HIKESHI: variants seen among roughly 807,000 people sequenced by gnomAD.
The protein encoded by HIKESHI is protein Hikeshi.
Under a neutral mutation model 25.7 loss-of-function variants are expected in HIKESHI, and 13 were observed. That is an observed-to-expected ratio of 0.51 (90% CI 0.33 to 0.80). The LOEUF is 0.80. HIKESHI is among the 30% of genes least tolerant of loss of function. The pLI, the probability that HIKESHI is intolerant of heterozygous loss-of-function variation, is 0.02. For synonymous variants in HIKESHI, 76 were observed against 78.7 expected (o/e 0.97, Z 0.18); for missense variants, 174 against 229.5 (o/e 0.76, Z 1.56).
Position 86,334,173 on chromosome 11 carries a change from G to GA in HIKESHI, c.269-3200dup, listed in dbSNP as rs1302668579. On this transcript the variant is annotated intron_variant, in intron 2 of 4. Coordinates refer to ENST00000278483, the MANE Select transcript of HIKESHI (RefSeq NM_016401.4). Reference sequence around the variant, plus strand: ...TGGATTTGCTGTACTTAAATACTTAGAAAAAATCTAATAAAGTTGTTTTCC... The same window carrying GA: ...TGGATTTGCTGTACTTAAATACTTAGAAAAAAATCTAATAAAGTTGTTTTCC... Among the ~76,000 whole-genome samples, 7 of 151,892 alleles carry GA rather than the reference G, an allele frequency of 4.6e-5. No homozygotes were observed. In the South Asian group the frequency reaches 6.2e-4, roughly 14 times the overall value.
At chr11:86,343,270 T>G (rs1362641112) in intron 3 of HIKESHI, among the ~76,000 whole-genome samples, 1 of 151,876 alleles carries the variant, frequency 6.6e-6, no homozygotes, top group Admixed American at 6.6e-5. Context: ...TCAGTTACAC[T>G]TAAAAATTAT....
chr11:86,331,977 CTTTTCTT>C (rs1947437655), intron 2 of HIKESHI, among the ~76,000 whole-genome samples: 1 of 137,472 alleles, frequency 7.3e-6, no homozygotes, highest in Non-Finnish European at 1.6e-5. Flanking sequence ...TAACTGTTTT[CTTTTCTT>C]TTTTTTTTTT....
At chr11:86,326,869 T>C (rs188247364) in intron 2 of HIKESHI, among the ~76,000 whole-genome samples, 24 of 152,318 alleles carry the variant, frequency 1.6e-4, no homozygotes, top group Admixed American at 3.9e-4. Context: ...GTTGTATGGA[T>C]GATCATGCTA....
At chr11:86,306,852 T>A (rs375167987) in intron 2 of HIKESHI, among the ~76,000 whole-genome samples, 278 of 151,172 alleles carry the variant, frequency 1.8e-3, no homozygotes, top group Non-Finnish European at 3.0e-3. Context: ...AAAAAAAAAT[T>A]AGCCGGGCGT....
chr11:86,313,397 A>T (rs1381686204), intron 2 of HIKESHI, among the ~76,000 whole-genome samples: 1 of 151,906 alleles, frequency 6.6e-6, no homozygotes, highest in African/African-American at 2.4e-5. Context: ...CACCTTGCTA[A>T]TTTTTTGTAT....
At chr11:86,343,393 G>A (rs1045593833) in intron 3 of HIKESHI, 1 of 151,876 alleles carries the variant, frequency 6.6e-6, no homozygotes, top group Non-Finnish European at 1.5e-5. Context: ...CTAGCACTTT[G>A]GGAGGCTGAG....
chr11:86,303,297 C>A, intron 1 of HIKESHI: 1 of 537,090 alleles, frequency 1.9e-6, no homozygotes, highest in Non-Finnish European at 2.4e-6. Flanking sequence ...AGTCCCTTTG[C>A]TGAATTGTCT....
intron 2 of HIKESHI, among the ~76,000 whole-genome samples, chr11:86,317,426 A>T (rs533733720): frequency 1.3e-5 from 2 of 152,326 alleles, no homozygotes; most frequent in Admixed American, 1.3e-4. Context: ...GTAGAAATTA[A>T]TGATGGAAAA....
chr11:86,321,117 T>C (rs1216591454), intron 2 of HIKESHI, among the ~76,000 whole-genome samples: 1 of 152,108 alleles, frequency 6.6e-6, no homozygotes, highest in African/African-American at 2.4e-5. Flanking sequence ...GTATTTTTAG[T>C]AGAGACGAGG....
intron 2 of HIKESHI, among the ~76,000 whole-genome samples, chr11:86,314,538 C>A (rs1444565727): frequency 6.6e-6 from 1 of 152,014 alleles, no homozygotes; most frequent in Non-Finnish European, 1.5e-5. Context: ...TCGCTTGAAC[C>A]CAGGAGGTGG....
At chr11:86,334,983 T>C (rs997361511) in intron 2 of HIKESHI, among the ~76,000 whole-genome samples, 1 of 152,166 alleles carries the variant, frequency 6.6e-6, no homozygotes, top group Non-Finnish European at 1.5e-5. Context: ...ACCAAAAGCT[T>C]GTAGCAATCA....
intron 2 of HIKESHI, among the ~76,000 whole-genome samples, chr11:86,309,881 A>G (rs1166184514): frequency 6.6e-6 from 1 of 152,160 alleles, no homozygotes; most frequent in African/African-American, 2.4e-5. Flanking sequence ...AGATGGTTGT[A>G]GATGTGTGGT....
intron 3 of HIKESHI, chr11:86,344,029 A>G (rs915615218): frequency 2.0e-5 from 3 of 152,260 alleles, no homozygotes; most frequent in African/African-American, 4.8e-5. Flanking sequence ...AACAGAGGAA[A>G]TGGAATAGTG....
chr11:86,332,206 T>C (rs918347876), intron 2 of HIKESHI, among the ~76,000 whole-genome samples: 2 of 152,076 alleles, frequency 1.3e-5, no homozygotes, highest in Non-Finnish European at 2.9e-5. Flanking sequence ...CCTTGTGATC[T>C]GCCCGCCTCG....
chr11:86,338,672 T>C (rs7117303), intron 3 of HIKESHI, among the ~76,000 whole-genome samples: 1 of 152,348 alleles, frequency 6.6e-6, no homozygotes, highest in East Asian at 1.9e-4. Context: ...GTCATGAATG[T>C]AAAGGTAGAT....
chr11:86,326,775 G>A (rs1947292540), intron 2 of HIKESHI: 1 of 294,726 alleles, frequency 3.4e-6, no homozygotes, highest in East Asian at 9.0e-5. Context: ...TCAAGTGACA[G>A]TGAGGAGGAG....
intron 4 of HIKESHI, chr11:86,345,112 A>G (rs1947838265): frequency 1.9e-6 from 2 of 1,057,928 alleles, no homozygotes; most frequent in African/African-American, 3.3e-5. Flanking sequence ...TTTCACTTTG[A>G]GTATCCTAGA....
chr11:86,326,252 C>T (rs1052662183), intron 2 of HIKESHI, among the ~76,000 whole-genome samples: 4 of 151,898 alleles, frequency 2.6e-5, no homozygotes, highest in Non-Finnish European at 4.4e-5. Context: ...GAGCCAAGAT[C>T]GTGCCACCAC....
In HIKESHI at chr11:86,345,695, G is replaced by A; in HGVS notation, c.*57G>A. 9.0e-7 allele frequency: 1 copy of A among 1,108,780 alleles called. No individual in the cohort carries two copies. The highest frequency in any genetic ancestry group is 1.3e-6 in the Non-Finnish European group (1 of 757,196). 68.7% of individuals were successfully genotyped at this position (1,108,780 alleles called of 1,614,324 possible). On this transcript the variant is annotated 3_prime_UTR_variant, in exon 5 of 5. Coordinates refer to ENST00000278483, the MANE Select transcript of HIKESHI (RefSeq NM_016401.4). Reference sequence around the variant, plus strand: ...AATTTGTCATGTTTTGAAGATAACTGACTCCATCTAAAAGTATGAGGTCAA... The same window carrying A: ...AATTTGTCATGTTTTGAAGATAACTAACTCCATCTAAAAGTATGAGGTCAA...
Sources: allele counts gnomAD v4.1 joint callset (sites outside exome capture counted in the v4.1 genomes callset), GRCh38; gene constraint gnomAD v4.1.1; transcripts MANE v1.5; gene names NCBI Gene and HGNC (gene_info 2026-07-23, HGNC 2026-07-21).